The following MSI1 variants were observed in gnomAD, a reference collection of about 807,000 sequenced individuals.
MSI1 encodes the protein RNA-binding protein Musashi homolog 1.
In MSI1, 15 loss-of-function variants were observed where a neutral mutation model predicts 54.4. That is an observed-to-expected ratio of 0.28 (90% CI 0.18 to 0.42). The LOEUF (loss-of-function observed/expected upper bound fraction) is 0.42, where lower values mean the gene tolerates loss of function less well. Among genes scored for constraint, MSI1 ranks in the 20% least tolerant of loss-of-function variants. The pLI, the probability that MSI1 is intolerant of heterozygous loss-of-function variation, is 1.00. For synonymous variants in MSI1, 200 were observed against 196.5 expected (o/e 1.02, Z -0.15); for missense variants, 304 against 506.0 (o/e 0.60, Z 3.83).
chr12:120,353,832 A>C (rs1396479839), intron 9 of MSI1, among the ~76,000 whole-genome samples: 4 of 152,170 alleles, frequency 2.6e-5, no homozygotes, highest in Non-Finnish European at 4.4e-5. Flanking sequence ...CTCTTTCCAG[A>C]TGACTACATG....
chr12:120,350,672 G>C (rs559904915), intron 11 of MSI1, among the ~76,000 whole-genome samples: 82 of 152,302 alleles, frequency 5.4e-4, no homozygotes, highest in African/African-American at 1.9e-3. Context: ...CTCGGCTCAA[G>C]GCTGGCTCCG....
rs1348704568 is a variant in MSI1 at position 120,360,455 on chromosome 12, T to C, written c.403-1402A>G. ...AAGGTCCCTGGAGAATCTCATGACATCTCTCTTCTCAAAGAGCTGCCTGTA... is the reference window on the plus strand; with the variant it reads ...AAGGTCCCTGGAGAATCTCATGACACCTCTCTTCTCAAAGAGCTGCCTGTA... On this transcript the variant is annotated intron_variant, in intron 6 of 14. Coordinates refer to ENST00000257552, the MANE Select transcript of MSI1 (RefSeq NM_002442.4). Among the ~76,000 whole-genome samples the C allele has an allele frequency of 5.3e-5, 8 of 152,238 alleles. No homozygotes were observed. In the East Asian group the frequency reaches 1.5e-3, roughly 29 times the overall value.
chr12:120,363,602 T>C (rs545641354), intron 5 of MSI1, among the ~76,000 whole-genome samples: 4 of 152,152 alleles, frequency 2.6e-5, no homozygotes, highest in African/African-American at 4.8e-5. Context: ...GAAGAACACA[T>C]GGTCCTAATT....
intron 11 of MSI1, among the ~76,000 whole-genome samples, chr12:120,349,298 C>T (rs1403822132): frequency 6.6e-6 from 1 of 151,866 alleles, no homozygotes; most frequent in African/African-American, 2.4e-5. Context: ...GGGGTTTCAC[C>T]ATGTTGGCCA....
At chr12:120,346,810 T>C (rs1337602350) in intron 12 of MSI1, among the ~76,000 whole-genome samples, 1 of 152,174 alleles carries the variant, frequency 6.6e-6, no homozygotes, top group Non-Finnish European at 1.5e-5. Context: ...TCGCCTTTCC[T>C]AGAGGCCCCA....
At chr12:120,347,557 C>A (rs1017050850) in intron 11 of MSI1, 43 bp from the exon 12 acceptor site, 1 of 1,611,660 alleles carries the variant, frequency 6.2e-7, no homozygotes, top group Non-Finnish European at 8.5e-7. Context: ...CGGTGAGGGG[C>A]AGAGATGGGT....
At chr12:120,363,020 A>G (rs757123) in intron 6 of MSI1, 23 bp downstream of exon 6, 1,384,255 of 1,601,398 alleles carry the variant, frequency 0.86, 599,562 homozygotes, top group East Asian at 1. Context: ...CCCCAGCAGC[A>G]AGCGCCCCCA....
In MSI1 at chr12:120,345,722, G is replaced by A; in HGVS notation, c.1048-90C>T. ...CTCTCTGCAGGACATCTGAAGTGAG[G>A]CGCTGACCTCTCTCTACCTGTCCGG... is the stretch of plus-strand genomic sequence containing the variant. On this transcript the variant is annotated intron_variant, in intron 13 of 14. Coordinates refer to ENST00000257552, the MANE Select transcript of MSI1 (RefSeq NM_002442.4). 2.6e-6 allele frequency: 4 copies of A among 1,511,050 alleles called. No homozygotes were observed. The Middle Eastern group carries it at 5.1e-4, about 194-fold the overall frequency. The allele number at this position is 1,511,050 out of a possible 1,614,324, so 93.6% of individuals were successfully genotyped here.
intron 14 of MSI1, among the ~76,000 whole-genome samples, chr12:120,343,455 C>T (rs370000528): frequency 9.2e-5 from 14 of 152,216 alleles, no homozygotes; most frequent in African/African-American, 3.4e-4. Flanking sequence ...AACTCTTGTC[C>T]TCAAGCCATC....
chr12:120,363,251 C>CCTGTTTTAGGAAGAACACATGGTCCTAA (rs1875798647), intron 5 of MSI1, 116 bp from the exon 6 acceptor site: 1 of 799,088 alleles, frequency 1.3e-6, no homozygotes, highest in African/African-American at 1.9e-5. Flanking sequence ...TGGCCCCAGC[C>CCTGTTTTAGGAAGAACACATGGTCCTAA]TCTTTAAAGG....
At chr12:120,355,273 C>T (rs1218978794) in intron 9 of MSI1, among the ~76,000 whole-genome samples, 5 of 151,512 alleles carry the variant, frequency 3.3e-5, no homozygotes, top group South Asian at 2.1e-4. Flanking sequence ...GGCACGGTGG[C>T]GGGCGCCTGT....
chr12:120,353,326 C>A lies in MSI1; in HGVS notation c.706G>T (p.Ala236Ser), dbSNP rs375034852. 1.2e-6 allele frequency: 2 copies of A among 1,613,962 alleles called. No homozygotes were observed. Among genetic ancestry groups the A allele is most frequent in the Non-Finnish European group, 1.7e-6 (2 of 1,179,978 alleles). ...TYASRSYTGL[A>S]PGYTYQFPEF... is the part of the protein sequence containing the mutation. ...GGGAACTGGTAGGTGTAGCCAGGGGCGAGGCCTGTATAACTCCGGCTGGCG... is the reference window on the plus strand; with the variant it reads ...GGGAACTGGTAGGTGTAGCCAGGGGAGAGGCCTGTATAACTCCGGCTGGCG... Residue 236 changes from alanine (A) to serine (S), a missense_variant, in exon 10 of 15, where the codon GCC becomes TCC. Around this residue, in one of 4 missense-constraint regions of MSI1, gnomAD observed 147 missense variants for 231.5 expected, o/e 0.64. Coordinates refer to ENST00000257552, the MANE Select transcript of MSI1 (RefSeq NM_002442.4).
rs1294703497 is a variant in MSI1, at chr12:120,368,712, A to G, written c.100+121T>C. 5.4e-6 allele frequency: 5 copies of G among 918,290 alleles called. No individual in the cohort carries two copies. Among genetic ancestry groups the G allele is most frequent in the Non-Finnish European group, 5.6e-6 (4 of 709,596 alleles). The allele number at this position is 918,290 out of a possible 1,614,324, so 56.9% of individuals were successfully genotyped here. On this transcript the variant is annotated intron_variant, in intron 2 of 14. Transcript: ENST00000257552. This position sits in a 1 kb window ranked among gnomAD's most constrained non-coding sequence, Gnocchi z 6.6. ...TCGGGGTCTCCGGGCGGGGCGCGAA[A>G]GAGGGCGCGAGGGCGCCCGGGGTCA...
intron 6 of MSI1, among the ~76,000 whole-genome samples, chr12:120,359,757 G>A (rs901621486): frequency 1.6e-4 from 24 of 152,204 alleles, no homozygotes; most frequent in Admixed American, 1.6e-3. Context: ...CCATTTGCCT[G>A]CATCTGGTGC....
rs187511980 is a variant in MSI1, at chr12:120,354,087, T to C, written c.653-708A>G. ...GCAGCCTCAAACTTCTGGGCTCAAG[T>C]GATTCTCCTGCCTCAGCCTCCCTAG... On this transcript the variant is annotated intron_variant, in intron 9 of 14. Coordinates refer to ENST00000257552, the MANE Select transcript of MSI1 (RefSeq NM_002442.4). Among the ~76,000 whole-genome samples, 726 of 152,132 alleles carry C rather than the reference T, an allele frequency of 4.8e-3. 6 individuals are homozygous for C. Among genetic ancestry groups the C allele is most frequent in the African/African-American group, 9.6e-3 (399 of 41,510 alleles).
At chr12:120,361,906 C>T (rs1481086345) in intron 6 of MSI1, among the ~76,000 whole-genome samples, 1 of 151,774 alleles carries the variant, frequency 6.6e-6, no homozygotes. Context: ...ATGGCAACGC[C>T]GGCCCCGGGG....
rs1873712251 is a variant in MSI1 at position 120,342,116 on chromosome 12, A to AG, written c.*1010dup. 6.6e-6 allele frequency: 1 copy of AG among 152,642 alleles called. No individual in the cohort carries two copies. The highest frequency in any genetic ancestry group is 6.6e-5 in the Admixed American group (1 of 15,224). The allele number at this position is 152,642 out of a possible 1,614,324, so 9.5% of individuals were successfully genotyped here. ...CACTCATTGCGGGGGTCGAGGGGGA[A>AG]GGGGGACAGACTGAGCAGAAACCAT... On this transcript the variant is annotated 3_prime_UTR_variant, in exon 15 of 15. Transcript: ENST00000257552.
At position 120,351,372 on chromosome 12, in the gene MSI1, C is replaced by A; in HGVS notation, c.762G>T (p.Pro254=). The A allele has an allele frequency of 6.2e-7, 1 of 1,610,746 alleles. No homozygotes were observed. The highest frequency in any genetic ancestry group is 2.2e-5 in the East Asian group (1 of 44,648). Residue 254 remains proline (P), a synonymous_variant, in exon 11 of 15, where the codon CCG becomes CCT. Coordinates refer to ENST00000257552, the MANE Select transcript of MSI1 (RefSeq NM_002442.4). ...TAAGCTCGGGGAGGACTGGGGCGCT[C>A]GGGAGAGGGGTCCGCTCTACACGGA... The part of the protein sequence containing the change: ...PEFRVERTPL[P]SAPVLPELTA...
chr12:120,351,872 A>C (rs1373410269), intron 10 of MSI1, among the ~76,000 whole-genome samples: 3 of 151,170 alleles, frequency 2.0e-5, no homozygotes, highest in East Asian at 2.0e-4. Flanking sequence ...CCACGCCCGG[A>C]TAATTTTTTG....
Sources: gnomAD v4.1 joint callset for allele counts (sites outside exome capture counted in the v4.1 genomes callset) on GRCh38, gnomAD v4.1.1 for gene constraint, gnomAD v4.1.1 regional missense constraint, Gnocchi (gnomAD v3.1) non-coding constraint, MANE v1.5 for transcripts, NCBI Gene and HGNC (gene_info 2026-07-23, HGNC 2026-07-21) for gene names.